The following EYS variants were observed in gnomAD, a reference collection of about 807,000 sequenced individuals.
EYS encodes the protein protein eyes shut homolog.
A neutral mutation model predicts 282.1 loss-of-function variants in EYS; 250 were observed. The observed-to-expected ratio is 0.89, with a 90% CI of 0.80 to 0.98. EYS has a LOEUF of 0.98. EYS is among the 50% of genes least tolerant of loss of function. The probability of loss-of-function intolerance (pLI) is 0.00; values close to 1 mark genes in which losing one functional copy is unlikely to be tolerated. For missense variants in EYS, 4,016 were observed against 3,709.0 expected (o/e 1.08, Z -2.15); for synonymous variants, 1,355 against 1,282.9 (o/e 1.06, Z -1.20).
intron 26 of EYS, among the ~76,000 whole-genome samples, chr6:64,505,002 G>T (rs777139992): frequency 5.9e-5 from 9 of 152,208 alleles, no homozygotes; most frequent in Non-Finnish European, 8.8e-5. Flanking sequence ...GGAATAGACT[G>T]TTATTGTGCT....
At chr6:64,043,445 C>T (rs540048369) in intron 33 of EYS, among the ~76,000 whole-genome samples, 4 of 152,220 alleles carry the variant, frequency 2.6e-5, no homozygotes, top group Non-Finnish European at 4.4e-5. Context: ...GAGCCAGGAC[C>T]GCTACTTGAT....
intron 26 of EYS, among the ~76,000 whole-genome samples, chr6:64,535,403 A>G (rs1764487452): frequency 1.3e-5 from 2 of 152,180 alleles, no homozygotes; most frequent in Admixed American, 1.3e-4. Flanking sequence ...TATTTAGGAT[A>G]CTAAGTTGTC....
At chr6:64,696,987 A>T (rs1219191781) in intron 22 of EYS, among the ~76,000 whole-genome samples, 1 of 152,216 alleles carries the variant, frequency 6.6e-6, no homozygotes, top group Non-Finnish European at 1.5e-5. Context: ...AGACAAACAG[A>T]GGAAAAAGAG....
At chr6:64,853,912 A>G (rs1348543705) in intron 19 of EYS, among the ~76,000 whole-genome samples, 2 of 152,038 alleles carry the variant, frequency 1.3e-5, no homozygotes, top group African/African-American at 2.4e-5. Context: ...AGAAAAAAAC[A>G]AACAACCCCA....
At chr6:64,932,987 C>A (rs1411073021) in intron 15 of EYS, among the ~76,000 whole-genome samples, 3 of 151,874 alleles carry the variant, frequency 2.0e-5, no homozygotes, top group Non-Finnish European at 4.4e-5. Flanking sequence ...GTCAAGTTAC[C>A]AGAAAATATT....
chr6:65,567,807 T>C (rs868211826), intron 2 of EYS, among the ~76,000 whole-genome samples: 1 of 152,148 alleles, frequency 6.6e-6, no homozygotes, highest in African/African-American at 2.4e-5. Context: ...ATACTGTCTT[T>C]GAATATTGCT....
chr6:64,004,235 C>T (rs1768229152), intron 33 of EYS, among the ~76,000 whole-genome samples: 2 of 152,018 alleles, frequency 1.3e-5, no homozygotes, highest in Admixed American at 1.3e-4. Context: ...TTTATCCTAT[C>T]TACTGAGTTT....
chr6:64,842,028 C>T (rs1034594925), intron 19 of EYS, among the ~76,000 whole-genome samples: 3 of 152,188 alleles, frequency 2.0e-5, no homozygotes, highest in Admixed American at 2.0e-4. Flanking sequence ...CTGCTGAAAA[C>T]TCACCTTAAG....
intron 1 of EYS, among the ~76,000 whole-genome samples, chr6:65,706,809 C>T (rs749414619): frequency 2.0e-5 from 3 of 152,064 alleles, no homozygotes; most frequent in African/African-American, 2.4e-5. Flanking sequence ...CCTCAAAAAT[C>T]GAAAGCAATC....
At chr6:64,370,994 T>C (rs892920631) in intron 29 of EYS, among the ~76,000 whole-genome samples, 3 of 152,042 alleles carry the variant, frequency 2.0e-5, no homozygotes, top group Non-Finnish European at 4.4e-5. Context: ...TCCTTTATGG[T>C]TTTTTGAATC....
intron 5 of EYS, among the ~76,000 whole-genome samples, chr6:65,405,905 T>C (rs1484064615): frequency 6.6e-6 from 1 of 152,104 alleles, no homozygotes; most frequent in Non-Finnish European, 1.5e-5. Context: ...CGAAGGAATA[T>C]GCTTTTTTTA....
intron 31 of EYS, among the ~76,000 whole-genome samples, chr6:64,161,052 T>TAAA (rs1293809179): frequency 2.6e-5 from 4 of 152,236 alleles, no homozygotes; most frequent in Admixed American, 2.6e-4. Flanking sequence ...GACTCATTAC[T>TAAA]AAATGTACAG....
chr6:64,968,918 A>G (rs1770195416), intron 14 of EYS, among the ~76,000 whole-genome samples: 4 of 152,188 alleles, frequency 2.6e-5, no homozygotes, highest in Admixed American at 2.6e-4. Flanking sequence ...TACAAAGACC[A>G]AGCTCTTTTC....
At chr6:64,510,438 A>G (rs1474292647) in intron 26 of EYS, among the ~76,000 whole-genome samples, 1 of 152,090 alleles carries the variant, frequency 6.6e-6, no homozygotes, top group Non-Finnish European at 1.5e-5. Context: ...GCTCTTTAAA[A>G]TTGTAAGAAA....
intron 12 of EYS, among the ~76,000 whole-genome samples, chr6:65,133,603 C>A (rs1775942102): frequency 6.6e-6 from 1 of 152,062 alleles, no homozygotes; most frequent in Non-Finnish European, 1.5e-5. Context: ...CTTCCTTACA[C>A]CACATACAAA....
chr6:64,154,440 CA>C (rs397819570), intron 31 of EYS, among the ~76,000 whole-genome samples: 7,662 of 59,462 alleles, frequency 0.13, 89 homozygotes, highest in Non-Finnish European at 0.17. Flanking sequence ...AACTCCGTCT[CA>C]AAAAAAAAAA....
At position 64,591,147 on chromosome 6, in the gene EYS, C is replaced by G; in HGVS notation, c.4720G>C (p.Val1574Leu). The G allele has an allele frequency of 6.4e-7, 1 of 1,551,310 alleles. No homozygotes were observed. The highest frequency in any genetic ancestry group is 1.2e-5 in the South Asian group (1 of 84,058). ...IKSSREFSDQ[V>L]LHSKQSHFYE... The stretch of plus-strand genomic sequence containing the variant: ...AAGTGGGACTGTTTGCTATGCAAAA[C>G]TTGATCTGAGAATTCACGAGAGGAT... Residue 1574 changes from valine to leucine, a missense_variant, in exon 26 of 43, where the codon GTT becomes CTT. Coordinates refer to ENST00000503581, the MANE Select transcript of EYS (RefSeq NM_001142800.2).
chr6:64,449,783 A>T (rs1398568317), intron 26 of EYS, among the ~76,000 whole-genome samples: 1 of 152,168 alleles, frequency 6.6e-6, no homozygotes, highest in African/African-American at 2.4e-5. Flanking sequence ...GAGAAATAAA[A>T]TACTTTACAG....
At chr6:64,154,139 A>G (rs900387647) in intron 31 of EYS, among the ~76,000 whole-genome samples, 1 of 152,148 alleles carries the variant, frequency 6.6e-6, no homozygotes, top group Non-Finnish European at 1.5e-5. Flanking sequence ...CCTCCAGGAA[A>G]GAGGATTTGA....
Sources: allele counts gnomAD v4.1 joint callset (sites outside exome capture counted in the v4.1 genomes callset), GRCh38; gene constraint gnomAD v4.1.1; transcripts MANE v1.5; gene names NCBI Gene and HGNC (gene_info 2026-07-23, HGNC 2026-07-21).